Variants in DPP4 observed in about 807,000 individuals in gnomAD.
DPP4 encodes dipeptidyl peptidase 4.
Under a neutral mutation model 122.4 loss-of-function variants are expected in DPP4, and 93 were observed. That is an observed-to-expected ratio of 0.76 (90% CI 0.64 to 0.90). The LOEUF (loss-of-function observed/expected upper bound fraction) is 0.90. Ranked by LOEUF, DPP4 falls within the 40% of genes least tolerant of loss-of-function variation. The probability of loss-of-function intolerance (pLI) is 0.00; values close to 1 mark genes in which losing one functional copy is unlikely to be tolerated. For synonymous variants in DPP4, 321 were observed against 302.9 expected (o/e 1.06, Z -0.62); for missense variants, 914 against 907.3 (o/e 1.01, Z -0.09).
chr2:162,052,747 C>T (rs1372760655), intron 2 of DPP4, among the ~76,000 whole-genome samples: 1 of 152,156 alleles, frequency 6.6e-6, no homozygotes, highest in Non-Finnish European at 1.5e-5. Context: ...CTGGCGAGGG[C>T]TCAGAAGAAG....
chr2:162,063,386 G>A (rs1310731353), intron 2 of DPP4, among the ~76,000 whole-genome samples: 1 of 152,156 alleles, frequency 6.6e-6, no homozygotes, highest in East Asian at 1.9e-4. Flanking sequence ...GTTGTAAATG[G>A]TATTTGAGGC....
intron 2 of DPP4, among the ~76,000 whole-genome samples, chr2:162,064,956 G>A (rs777967168): frequency 2.0e-5 from 3 of 152,202 alleles, no homozygotes; most frequent in Admixed American, 6.5e-5. Context: ...TCTTTCTAAC[G>A]TAATGAAAAG....
intron 2 of DPP4, among the ~76,000 whole-genome samples, chr2:162,054,394 G>GA (rs1684493880): frequency 6.6e-6 from 1 of 152,174 alleles, no homozygotes; most frequent in South Asian, 2.1e-4. Context: ...GTTGATGCTA[G>GA]AAAAAGTTAA....
At chr2:162,026,185 C>G (rs2106109028) in intron 10 of DPP4, among the ~76,000 whole-genome samples, 1 of 152,270 alleles carries the variant, frequency 6.6e-6, no homozygotes, top group Admixed American at 6.5e-5. Flanking sequence ...TTACTGGGCA[C>G]TCGGGATGGA....
intron 12 of DPP4, 77 bp from the exon 13 acceptor site, chr2:162,020,765 C>T (rs1683096799): frequency 2.2e-6 from 2 of 922,204 alleles, no homozygotes; most frequent in South Asian, 4.0e-5. Flanking sequence ...TTAGAAAGTC[C>T]TGTCCAATAC....
At position 162,057,589 on chromosome 2, in the gene DPP4, T is replaced by C. The variant is rs889577176; in HGVS notation, c.95-10088A>G. 2.0e-5 allele frequency among the ~76,000 whole-genome samples: 3 copies of C among 152,334 alleles called. No homozygotes were observed. The East Asian group carries it at 5.8e-4, about 29-fold the overall frequency. ...TTCCTTTGTAATATCCAGAACCTGC[T>C]TCATCATGCCTCACGGAGGTACCAG... On this transcript the variant is annotated intron_variant, in intron 2 of 25. Transcript: ENST00000360534.
intron 15 of DPP4, 120 bp downstream of exon 15, chr2:162,019,103 A>G: frequency 1.0e-6 from 1 of 980,886 alleles, no homozygotes; most frequent in Non-Finnish European, 1.6e-6. Context: ...AAGGAATAAA[A>G]AGTGCTCAAT....
chr2:162,059,565 G>T (rs1396422139), intron 2 of DPP4, among the ~76,000 whole-genome samples: 1 of 152,184 alleles, frequency 6.6e-6, no homozygotes, highest in African/African-American at 2.4e-5. Flanking sequence ...AACTAAGAAA[G>T]ATCAGCTCAT....
At chr2:162,069,578 G>A (rs1040796720) in intron 2 of DPP4, among the ~76,000 whole-genome samples, 1 of 152,156 alleles carries the variant, frequency 6.6e-6, no homozygotes, top group African/African-American at 2.4e-5. Flanking sequence ...GCCTGAAAAA[G>A]ACTAACCTGC....
At chr2:162,024,762 C>G in intron 11 of DPP4, 42 bp downstream of exon 11, 1 of 1,602,424 alleles carries the variant, frequency 6.2e-7, no homozygotes. Flanking sequence ...ACCCTCTGAT[C>G]ACATGTTGCT....
At chr2:162,057,864 C>T (rs569851731) in intron 2 of DPP4, among the ~76,000 whole-genome samples, 39 of 152,300 alleles carry the variant, frequency 2.6e-4, no homozygotes, top group African/African-American at 9.4e-4. Context: ...CCACTGCCTT[C>T]CAGGTTCAAG....
rs932870328 is a variant in DPP4, at chr2:161,996,405, G to A, written c.2053-1033C>T. ...CTTGGTGAATCAAATTCAACTTTATGAAAGCCAAGGTTTATATTTCACAGA... is the reference window on the plus strand; with the variant it reads ...CTTGGTGAATCAAATTCAACTTTATAAAAGCCAAGGTTTATATTTCACAGA... On this transcript the variant is annotated intron_variant, in intron 23 of 25. Transcript: ENST00000360534. Among the ~76,000 whole-genome samples, 15 of 152,294 alleles carry A rather than the reference G, an allele frequency of 9.8e-5. 1 individual carries two copies. The highest frequency in any genetic ancestry group is 6.2e-4 in the South Asian group (3 of 4,828).
intron 19 of DPP4, among the ~76,000 whole-genome samples, chr2:162,013,829 T>A (rs1682802575): frequency 6.6e-6 from 1 of 152,214 alleles, no homozygotes; most frequent in Non-Finnish European, 1.5e-5. Context: ...AAAAATATTT[T>A]ACAAAGCTGT....
intron 8 of DPP4, among the ~76,000 whole-genome samples, chr2:162,036,516 C>T (rs945523571): frequency 6.6e-6 from 1 of 152,152 alleles, no homozygotes; most frequent in Non-Finnish European, 1.5e-5. Flanking sequence ...TCTAGGATCA[C>T]ATGGCTAAGA....
At chr2:162,008,246 T>C (rs1303239512) in intron 22 of DPP4, among the ~76,000 whole-genome samples, 2 of 152,164 alleles carry the variant, frequency 1.3e-5, no homozygotes, top group Non-Finnish European at 2.9e-5. Flanking sequence ...TCTGCTAATA[T>C]GTGAAACCCA....
At chr2:162,033,861 T>C (rs1194852090) in intron 9 of DPP4, among the ~76,000 whole-genome samples, 2 of 100,698 alleles carry the variant, frequency 2.0e-5, no homozygotes, top group African/African-American at 9.6e-5. Flanking sequence ...ACAGAATATG[T>C]GTATATATAT....
chr2:161,995,106 G>C (rs1200593951), intron 24 of DPP4, 72 bp from the exon 25 acceptor site: 4 of 1,528,970 alleles, frequency 2.6e-6, no homozygotes, highest in South Asian at 1.1e-5. Flanking sequence ...GGGTGGGAAA[G>C]GCACAAGAAG....
chr2:162,042,085 G>A (rs867330242), intron 5 of DPP4, among the ~76,000 whole-genome samples: 2 of 152,152 alleles, frequency 1.3e-5, no homozygotes, highest in African/African-American at 2.4e-5. Flanking sequence ...AAGAGAAGCC[G>A]AATGCAAAGA....
chr2:162,015,372 T>C (rs1051689203), intron 18 of DPP4, among the ~76,000 whole-genome samples: 2 of 152,222 alleles, frequency 1.3e-5, no homozygotes, highest in Non-Finnish European at 2.9e-5. Flanking sequence ...TTGCTGACTA[T>C]TGTTATGCCT....
Sources: allele counts gnomAD v4.1 joint callset (sites outside exome capture counted in the v4.1 genomes callset), GRCh38; gene constraint gnomAD v4.1.1; transcripts MANE v1.5; gene names NCBI Gene and HGNC (gene_info 2026-07-23, HGNC 2026-07-21).